Variants in BMP2K observed in about 807,000 individuals in gnomAD.
BMP2K encodes BMP-2-inducible protein kinase.
In BMP2K, 74 loss-of-function variants were observed where a neutral mutation model predicts 116.0. That is an observed-to-expected ratio of 0.64 (90% confidence interval 0.53 to 0.77). The LOEUF is 0.77. Among genes scored for constraint, BMP2K ranks in the 30% least tolerant of loss-of-function variants. The pLI, the probability that BMP2K is intolerant of heterozygous loss-of-function variation, is 0.00. For synonymous variants in BMP2K, 486 were observed against 502.5 expected (o/e 0.97, Z 0.44); for missense variants, 1,365 against 1,403.6 (o/e 0.97, Z 0.44).
chr4:78,888,997 G>A (rs1413454953), intron 15 of BMP2K, among the ~76,000 whole-genome samples: 2 of 152,042 alleles, frequency 1.3e-5, no homozygotes, highest in African/African-American at 2.4e-5. Flanking sequence ...CAAGGCAGGC[G>A]GATCATGAGG....
At chr4:78,796,006 G>A (rs62310798) in intron 1 of BMP2K, among the ~76,000 whole-genome samples, 9,584 of 151,214 alleles carry the variant, frequency 0.063, 384 homozygotes, top group East Asian at 0.22. Flanking sequence ...ATCTAGAACT[G>A]GAAATACCAT....
chr4:78,844,379 C>T (rs1730899695), intron 4 of BMP2K, among the ~76,000 whole-genome samples: 1 of 151,224 alleles, frequency 6.6e-6, no homozygotes, highest in Admixed American at 6.6e-5. Flanking sequence ...CCCTGATCTC[C>T]AAATTAAGTC....
intron 1 of BMP2K, among the ~76,000 whole-genome samples, chr4:78,791,589 C>T (rs1728002220): frequency 6.6e-6 from 1 of 152,158 alleles, no homozygotes; most frequent in Non-Finnish European, 1.5e-5. Flanking sequence ...TCGTACCCAT[C>T]AAACACCAAC....
intron 1 of BMP2K, among the ~76,000 whole-genome samples, chr4:78,786,631 G>A (rs1727745325): frequency 6.6e-6 from 1 of 152,052 alleles, no homozygotes; most frequent in South Asian, 2.1e-4. Flanking sequence ...ATGTTGTTAT[G>A]TTTGCCCAGA....
At chr4:78,879,421 C>G (rs538018527) in intron 14 of BMP2K, 1 of 985,462 alleles carries the variant, frequency 1.0e-6, no homozygotes, top group African/African-American at 1.7e-5. Flanking sequence ...TAAATAAATT[C>G]TTTTTCACTT....
At chr4:78,877,299 T>G (rs1732678746) in intron 13 of BMP2K, among the ~76,000 whole-genome samples, 2 of 152,278 alleles carry the variant, frequency 1.3e-5, no homozygotes, top group South Asian at 4.1e-4. Flanking sequence ...CTTTGAAAAT[T>G]TAAAAACATT....
Position 78,794,377 on chromosome 4 carries a change from A to G in BMP2K, c.178+17656A>G, listed in dbSNP as rs532621376. ...AAACGGACCCGAGAACCTCAGAATC[A>G]CATATAAGACTGTTTCTGTGGGAAA... On this transcript the variant is annotated intron_variant, in intron 1 of 15. Coordinates refer to ENST00000502613, the MANE Select transcript of BMP2K (RefSeq NM_198892.2). Among the ~76,000 whole-genome samples the G allele has an allele frequency of 9.2e-5, 14 of 152,316 alleles. No homozygotes were observed. The South Asian group carries it at 2.9e-3, about 32-fold the overall frequency.
At chr4:78,816,638 G>A (rs910857918) in intron 1 of BMP2K, among the ~76,000 whole-genome samples, 2 of 152,188 alleles carry the variant, frequency 1.3e-5, no homozygotes, top group African/African-American at 4.8e-5. Flanking sequence ...AGACCTGAGA[G>A]ATGTTCACTA....
At chr4:78,780,999 T>C (rs1164067745) in intron 1 of BMP2K, among the ~76,000 whole-genome samples, 1 of 152,188 alleles carries the variant, frequency 6.6e-6, no homozygotes, top group Non-Finnish European at 1.5e-5. Context: ...ATTTGAAGTA[T>C]GTCATGAAGA....
At chr4:78,867,906 A>G (rs1038703604) in intron 10 of BMP2K, among the ~76,000 whole-genome samples, 14 of 152,184 alleles carry the variant, frequency 9.2e-5, no homozygotes, top group Admixed American at 1.3e-4. Context: ...CTAAAAGTAC[A>G]AAAATTAGCT....
chr4:78,851,108 CCTA>C, intron 7 of BMP2K, 52 bp downstream of exon 7: 1 of 1,450,434 alleles, frequency 6.9e-7, no homozygotes, highest in South Asian at 1.5e-5. Context: ...GTACTTAGGG[CCTA>C]CTATTTACAT....
chr4:78,846,240 T>C (rs1730993299), intron 5 of BMP2K, among the ~76,000 whole-genome samples: 1 of 151,594 alleles, frequency 6.6e-6, no homozygotes, highest in Non-Finnish European at 1.5e-5. Context: ...ATTCATTCAG[T>C]TGACAAGTAT....
rs572435447 is a variant in BMP2K at position 78,849,382 on chromosome 4, A to G, written c.751-1542A>G. Reference sequence around the variant, plus strand: ...GTGTACCTCATTGTGTTCACACTTTACAAAGCAGAATATTTAGATTTATAT... The same window carrying G: ...GTGTACCTCATTGTGTTCACACTTTGCAAAGCAGAATATTTAGATTTATAT... On this transcript the variant is annotated intron_variant, in intron 6 of 15. Coordinates refer to ENST00000502613, the MANE Select transcript of BMP2K (RefSeq NM_198892.2). 1.8e-3 allele frequency among the ~76,000 whole-genome samples: 272 copies of G among 151,674 alleles called. 1 individual carries two copies. The highest frequency in any genetic ancestry group is 3.4e-3 in the Middle Eastern group (1 of 294).
At chr4:78,806,363 A>T (rs1224266461) in intron 1 of BMP2K, among the ~76,000 whole-genome samples, 2 of 151,910 alleles carry the variant, frequency 1.3e-5, no homozygotes, top group East Asian at 1.9e-4. Context: ...TTTTTTGTAG[A>T]GGTAGAGTCT....
Position 78,898,657 on chromosome 4 carries a change from C to CA in BMP2K, c.2062+11386dup, listed in dbSNP as rs76934935. Among the ~76,000 whole-genome samples the CA allele has an allele frequency of 1.7e-3, 207 of 121,178 alleles. 1 individual carries two copies. The highest frequency in any genetic ancestry group is 0.017 in the Middle Eastern group (4 of 240). The allele number at this position is 121,178 out of a possible 152,430, so 79.5% of individuals were successfully genotyped here. ...TGGGCGACAGAGCGAGACTCCATCTCAAAAAAAAAAAAAGACCATTGCTCC... is the reference window on the plus strand; with the variant it reads ...TGGGCGACAGAGCGAGACTCCATCTCAAAAAAAAAAAAAAGACCATTGCTCC... On this transcript the variant is annotated intron_variant, in intron 15 of 15. Coordinates refer to ENST00000502613, the MANE Select transcript of BMP2K (RefSeq NM_198892.2).
At chr4:78,815,215 A>G (rs540330187) in intron 1 of BMP2K, among the ~76,000 whole-genome samples, 5 of 152,340 alleles carry the variant, frequency 3.3e-5, no homozygotes, top group African/African-American at 1.2e-4. Context: ...TGGCTCTGCT[A>G]TTGATAGTCA....
chr4:78,796,490 A>T (rs901494421), intron 1 of BMP2K, among the ~76,000 whole-genome samples: 3 of 152,008 alleles, frequency 2.0e-5, no homozygotes, highest in Non-Finnish European at 4.4e-5. Context: ...TACATATGTA[A>T]CTAACCTGCA....
intron 4 of BMP2K, among the ~76,000 whole-genome samples, chr4:78,843,049 C>G (rs1021376742): frequency 6.6e-6 from 1 of 151,764 alleles, no homozygotes; most frequent in Non-Finnish European, 1.5e-5. Flanking sequence ...GATTCTTGAC[C>G]TCTTATATTG....
At chr4:78,805,934 G>A (rs916320899) in intron 1 of BMP2K, among the ~76,000 whole-genome samples, 6 of 152,044 alleles carry the variant, frequency 3.9e-5, no homozygotes, top group Non-Finnish European at 8.8e-5. Flanking sequence ...TTGCACCACC[G>A]CACTCTAGCC....
Sources: allele counts gnomAD v4.1 joint callset (sites outside exome capture counted in the v4.1 genomes callset), GRCh38; gene constraint gnomAD v4.1.1; transcripts MANE v1.5; gene names NCBI Gene and HGNC (gene_info 2026-07-23, HGNC 2026-07-21).